The following CECR2 variants were observed in gnomAD, a reference collection of about 807,000 sequenced individuals.
The protein encoded by CECR2 is CECR2 histone acetyl-lysine reader, also known as chromatin remodeling regulator CECR2.
Under a neutral mutation model 154.5 loss-of-function variants are expected in CECR2, and 30 were observed. The ratio of observed to expected loss-of-function variants is 0.19; its 90% CI spans 0.15 to 0.26. CECR2 has a LOEUF of 0.26. CECR2 is among the 10% of genes least tolerant of loss of function. The probability of loss-of-function intolerance (pLI) is 1.00; values close to 1 mark genes in which losing one functional copy is unlikely to be tolerated. For synonymous variants in CECR2, 725 were observed against 683.7 expected (o/e 1.06, Z -0.94); for missense variants, 1,743 against 1,829.3 (o/e 0.95, Z 0.86).
intron 1 of CECR2, among the ~76,000 whole-genome samples, chr22:17,421,374 G>A (rs1402564893): frequency 6.6e-6 from 1 of 152,046 alleles, no homozygotes; most frequent in Non-Finnish European, 1.5e-5. Context: ...CCAGCACTTT[G>A]GGAGGCCGAG....
chr22:17,464,032 T>C (rs2054986968), intron 1 of CECR2, among the ~76,000 whole-genome samples: 1 of 152,170 alleles, frequency 6.6e-6, no homozygotes. Context: ...TTAAACTTAG[T>C]ATGATGGAGG....
rs750221227 is a variant in CECR2, at chr22:17,542,357, T to TG, written c.2221dup (p.Ala741GlyfsTer10). ...AGCCAGGATTCATTCCTCCCCGGCATGGGGGGGCTCCAGCCCGGCCACCAG... is the reference window on the plus strand; with the variant it reads ...AGCCAGGATTCATTCCTCCCCGGCATGGGGGGGGCTCCAGCCCGGCCACCAG... On this transcript the variant is annotated frameshift_variant, in exon 16 of 19. Coordinates refer to ENST00000262608, the MANE Select transcript of CECR2 (RefSeq NM_001290047.2). LOFTEE classifies it high-confidence loss of function. The TG allele has an allele frequency of 9.9e-6, 16 of 1,613,642 alleles. No homozygotes were observed. Among genetic ancestry groups the TG allele is most frequent in the African/African-American group, 1.3e-5 (1 of 75,020 alleles).
chr22:17,439,766 A>G (rs751911478), intron 1 of CECR2, among the ~76,000 whole-genome samples: 1 of 152,226 alleles, frequency 6.6e-6, no homozygotes, highest in Non-Finnish European at 1.5e-5. Flanking sequence ...GTACAAAACA[A>G]CTGCCGTGCA....
chr22:17,499,438 A>G lies in CECR2; in HGVS notation c.434A>G (p.Glu145Gly). The G allele has an allele frequency of 1.2e-6, 2 of 1,613,682 alleles. No homozygotes were observed. The highest frequency in any genetic ancestry group is 1.7e-6 in the Non-Finnish European group (2 of 1,179,794). ...KGLDADSLRV[E>G]PLGEDNSGAL... is the part of the protein sequence containing the mutation. ...CTGGATGCAGACAGTCTCCGTGTGG[A>G]GCCATTGGGTGAAGACAATTCTGGG... Residue 145 changes from glutamate (E) to glycine (G), a missense_variant, in exon 4 of 19, where the codon GAG becomes GGG. By Grantham distance (98) the Glu-to-Gly change is moderately conservative (BLOSUM62 -2). This residue lies in a region of CECR2 where 98 missense variants were observed against 169.3 expected (regional missense o/e 0.58). Coordinates refer to ENST00000262608, the MANE Select transcript of CECR2 (RefSeq NM_001290047.2).
chr22:17,371,592 A>T (rs983986521), intron 1 of CECR2, among the ~76,000 whole-genome samples: 1 of 152,226 alleles, frequency 6.6e-6, no homozygotes, highest in Non-Finnish European at 1.5e-5. Flanking sequence ...AGTTGGTACA[A>T]AATCGTGAGT....
Position 17,553,030 on chromosome 22 carries a change from C to A in CECR2, c.*190C>A. On this transcript the variant is annotated 3_prime_UTR_variant, in exon 19 of 19. Transcript: ENST00000262608. ...GGACACTCCTTAGATGACTGACACA[C>A]AGATTGCAAAGGTCCTCGGCCAGGG... 2.3e-6 allele frequency: 3 copies of A among 1,330,272 alleles called. No individual in the cohort carries two copies. Among genetic ancestry groups the A allele is most frequent in the South Asian group, 2.0e-5 (1 of 50,374 alleles). 82.4% of individuals were successfully genotyped at this position (1,330,272 alleles called of 1,614,324 possible). A position where few individuals can be genotyped will look rare whatever the true frequency, so the allele number is the denominator to read the frequency against.
intron 2 of CECR2, among the ~76,000 whole-genome samples, chr22:17,484,818 C>T (rs755034117): frequency 3.9e-5 from 6 of 152,146 alleles, no homozygotes; most frequent in African/African-American, 7.2e-5. Context: ...GCAGAGGTTG[C>T]AGTGAGCCGA....
chr22:17,421,355 C>T (rs2054244670), intron 1 of CECR2, among the ~76,000 whole-genome samples: 1 of 151,932 alleles, frequency 6.6e-6, no homozygotes, highest in African/African-American at 2.4e-5. Flanking sequence ...GTGGCTCATG[C>T]CTGTAATCCC....
chr22:17,510,935 C>T (rs1194217513), intron 7 of CECR2, among the ~76,000 whole-genome samples: 1 of 152,170 alleles, frequency 6.6e-6, no homozygotes, highest in Non-Finnish European at 1.5e-5. Context: ...AAGTTGCTGA[C>T]TCACTAAATG....
intron 1 of CECR2, among the ~76,000 whole-genome samples, chr22:17,386,608 T>A (rs1464504062): frequency 2.6e-5 from 4 of 152,138 alleles, no homozygotes; most frequent in African/African-American, 9.7e-5. Flanking sequence ...GTATTTTAGC[T>A]TTCTGTTGAG....
intron 1 of CECR2, among the ~76,000 whole-genome samples, chr22:17,404,810 T>C (rs1396007924): frequency 2.6e-5 from 4 of 152,232 alleles, no homozygotes; most frequent in Non-Finnish European, 4.4e-5. Flanking sequence ...TCAAAGTTGC[T>C]TTGGCTATTT....
intron 1 of CECR2, among the ~76,000 whole-genome samples, chr22:17,428,826 G>GTGTGTGTGTGTGTGTGTGTATA (rs369291932): frequency 2.5e-4 from 38 of 150,702 alleles, no homozygotes; most frequent in African/African-American, 9.1e-4. Flanking sequence ...GTGTGTGTGT[G>GTGTGTGTGTGTGTGTGTGTATA]TATATAAAGG....
chr22:17,406,644 AT>A (rs1320292594), intron 1 of CECR2, among the ~76,000 whole-genome samples: 1 of 152,176 alleles, frequency 6.6e-6, no homozygotes, highest in Non-Finnish European at 1.5e-5. Context: ...TAGGGGTGAA[AT>A]ATGAAATGAT....
chr22:17,508,039 C>T (rs1467403381), intron 7 of CECR2, among the ~76,000 whole-genome samples: 1 of 152,136 alleles, frequency 6.6e-6, no homozygotes, highest in Non-Finnish European at 1.5e-5. Context: ...TATCTTTGAA[C>T]GCCATACCTG....
intron 1 of CECR2, among the ~76,000 whole-genome samples, chr22:17,390,274 A>G (rs767462573): frequency 2.0e-5 from 3 of 152,126 alleles, no homozygotes; most frequent in Non-Finnish European, 4.4e-5. Flanking sequence ...AAGTCCTCTC[A>G]GGATAACTTG....
chr22:17,413,974 G>T (rs1034796756), intron 1 of CECR2, among the ~76,000 whole-genome samples: 3 of 137,770 alleles, frequency 2.2e-5, no homozygotes, highest in African/African-American at 5.5e-5. Context: ...ACCGCGCCCG[G>T]CCTATTATTA....
intron 9 of CECR2, among the ~76,000 whole-genome samples, chr22:17,527,197 C>CT (rs2056279800): frequency 6.6e-6 from 1 of 152,234 alleles, no homozygotes; most frequent in Non-Finnish European, 1.5e-5. Context: ...TTGAGTCATG[C>CT]TTGTAAGCTC....
At position 17,548,748 on chromosome 22, in the gene CECR2, A is replaced by G. The variant is rs779273533; in HGVS notation, c.3461A>G (p.His1154Arg). 16 of 1,613,584 alleles carry G rather than the reference A, an allele frequency of 9.9e-6. No individual in the cohort carries two copies. In the Admixed American group the frequency reaches 2.0e-4, roughly 20 times the overall value. The change falls in exon 17 of 19, where the codon CAT becomes CGT. Residue 1154 changes from histidine (H) to arginine (R), a missense_variant. Around this residue, in one of 4 missense-constraint regions of CECR2, gnomAD observed 1,250 missense variants for 1,192.1 expected, o/e 1.05. Coordinates refer to ENST00000262608, the MANE Select transcript of CECR2 (RefSeq NM_001290047.2). Reference sequence around the variant, plus strand: ...ATGGGAGGGAAGTCCCCAGCATCCCATCCCCAGCATTTTCCCCCAAGGGGC... The same window carrying G: ...ATGGGAGGGAAGTCCCCAGCATCCCGTCCCCAGCATTTTCCCCCAAGGGGC... ...PVMGGKSPASHPQHFPPRGFQ... is the reference protein window; with the variant it reads ...PVMGGKSPASRPQHFPPRGFQ...
intron 1 of CECR2, among the ~76,000 whole-genome samples, chr22:17,374,260 A>G (rs1601239597): frequency 1.3e-5 from 2 of 152,174 alleles, no homozygotes; most frequent in African/African-American, 4.8e-5. Flanking sequence ...GTACGTGGGT[A>G]AGATCTCTTA....
Sources: gnomAD v4.1 joint callset for allele counts (sites outside exome capture counted in the v4.1 genomes callset) on GRCh38, gnomAD v4.1.1 for gene constraint, gnomAD v4.1.1 regional missense constraint, MANE v1.5 for transcripts, NCBI Gene and HGNC (gene_info 2026-07-23, HGNC 2026-07-21) for gene names.